Variants in PLB1 observed in about 807,000 individuals in gnomAD.
PLB1 encodes phospholipase B1.
Under a neutral mutation model 227.4 loss-of-function variants are expected in PLB1, and 242 were observed. That is an observed-to-expected ratio of 1.06 (90% CI 0.96 to 1.18). The LOEUF (loss-of-function observed/expected upper bound fraction) is 1.18. Ranked by LOEUF, PLB1 falls within the 50% of genes most tolerant of loss-of-function variation. PLB1 has a pLI of 0.00. For synonymous variants in PLB1, 757 were observed against 682.2 expected (o/e 1.11, Z -1.71); for missense variants, 1,858 against 1,816.3 (o/e 1.02, Z -0.42).
At chr2:28,542,618 C>G (rs542814873) in intron 13 of PLB1, among the ~76,000 whole-genome samples, 6 of 152,138 alleles carry the variant, frequency 3.9e-5, no homozygotes, top group Non-Finnish European at 7.4e-5. Context: ...TGTCCCTCCC[C>G]CTGCACGCTC....
intron 57 of PLB1, among the ~76,000 whole-genome samples, chr2:28,641,436 C>A (rs561321728): frequency 6.6e-6 from 1 of 152,140 alleles, no homozygotes; most frequent in Non-Finnish European, 1.5e-5. Flanking sequence ...AGTGAAACCC[C>A]GTCTCTAGTA....
chr2:28,589,495 G>T lies in PLB1; in HGVS notation c.1861G>T (p.Glu621Ter). 6.2e-7 allele frequency: 1 copy of T among 1,614,138 alleles called. No homozygotes were observed. The highest frequency in any genetic ancestry group is 8.5e-7 in the Non-Finnish European group (1 of 1,180,030). The change falls in exon 27 of 58, where the codon GAA becomes TAA. Residue 621 changes from glutamate to a stop codon, truncating the protein, a stop_gained. Coordinates refer to ENST00000327757, the MANE Select transcript of PLB1 (RefSeq NM_153021.5). LOFTEE classifies it high-confidence loss of function. ...TGAGAGTGGGCGATATGACACAAGG[G>T]AAGATTTTACTGTGGTTGTGCAGCC... is the stretch of plus-strand genomic sequence containing the variant. ...LIESGRYDTR[E>*]DFTVVVQPFF...
At chr2:28,574,381 A>ATTTTT (rs1678557771) in intron 21 of PLB1, among the ~76,000 whole-genome samples, 1 of 21,684 alleles carries the variant, frequency 4.6e-5, no homozygotes, top group East Asian at 5.4e-4. Flanking sequence ...CCATTATATC[A>ATTTTT]TTCTTTTTTT....
chr2:28,554,850 T>G (rs1160360851), intron 17 of PLB1, among the ~76,000 whole-genome samples: 2 of 152,068 alleles, frequency 1.3e-5, no homozygotes, highest in Non-Finnish European at 2.9e-5. Context: ...TGAAGATTAG[T>G]GTGTTTATCA....
intron 21 of PLB1, among the ~76,000 whole-genome samples, chr2:28,574,585 CAG>C (rs1355892604): frequency 1.4e-5 from 2 of 142,578 alleles, no homozygotes; most frequent in Admixed American, 7.1e-5. Context: ...TTGGTAGAGA[CAG>C]GGTTTCACCA....
At chr2:28,566,247 G>A (rs1469338881) in intron 19 of PLB1, among the ~76,000 whole-genome samples, 1 of 139,518 alleles carries the variant, frequency 7.2e-6, no homozygotes, top group Non-Finnish European at 1.5e-5. Context: ...CACAGAATGG[G>A]GTGGGGGGGT....
rs761209900 is a variant in PLB1 at position 28,625,044 on chromosome 2, AC to A, written c.3528-7del. ...AGCCGGCACTAACGCCCCTCTCTCT[AC>A]CCCCCACCTAGGGACATGCCAGCCC... is the stretch of plus-strand genomic sequence containing the variant. On this transcript the variant is annotated splice_polypyrimidine_tract_variant and intron_variant, in intron 49 of 57. Transcript: ENST00000327757. 3.7e-6 allele frequency: 6 copies of A among 1,611,738 alleles called. No homozygotes were observed. Among genetic ancestry groups the A allele is most frequent in the East Asian group, 4.5e-5 (2 of 44,704 alleles).
chr2:28,576,304 A>G (rs896748383), intron 21 of PLB1, among the ~76,000 whole-genome samples: 1 of 152,206 alleles, frequency 6.6e-6, no homozygotes, highest in African/African-American at 2.4e-5. Context: ...TCCAGGTCTG[A>G]CAATAGCTGT....
Position 28,516,826 on chromosome 2 carries a change from C to A in PLB1, c.74C>A (p.Thr25Asn). 1.9e-6 allele frequency: 3 copies of A among 1,613,844 alleles called. No homozygotes were observed. Among genetic ancestry groups the A allele is most frequent in the Non-Finnish European group, 2.5e-6 (3 of 1,179,754 alleles). ...LLGQGTPQIHTSPRKSTLEGQ... is the reference protein window; with the variant it reads ...LLGQGTPQIHNSPRKSTLEGQ... ...CTTTCAGGGACCCCTCAGATCCATA[C>A]CTCTCCTAGAAAGAGTACATTGGAA... Residue 25 changes from threonine (T) to asparagine (N), a missense_variant, in exon 2 of 58, where the codon ACC becomes AAC. Coordinates refer to ENST00000327757, the MANE Select transcript of PLB1 (RefSeq NM_153021.5).
chr2:28,605,536 C>G (rs61133196), intron 41 of PLB1, among the ~76,000 whole-genome samples: 1 of 151,980 alleles, frequency 6.6e-6, no homozygotes, highest in African/African-American at 2.4e-5. Flanking sequence ...TCTGCGGGAC[C>G]AGGATCCCAC....
Position 28,582,097 on chromosome 2 carries a change from C to G in PLB1, c.1596C>G (p.Asp532Glu). ...LVHYSPQNFT[D>E]NIGKALDILH... ...ACTATTCTCCCCAGAACTTCACAGA[C>G]AACATTGGAAAGGCCCTGGACATCC... The change falls in exon 24 of 58, where the codon GAC (aspartate) becomes GAG (glutamate). Residue 532 changes from aspartate (D) to glutamate (E), a missense_variant. Physicochemically the swap from Asp to Glu is conservative, Grantham distance 45 (BLOSUM62 2). Coordinates refer to ENST00000327757, the MANE Select transcript of PLB1 (RefSeq NM_153021.5). The G allele has an allele frequency of 1.9e-6, 3 of 1,614,110 alleles. No individual in the cohort carries two copies. The highest frequency in any genetic ancestry group is 1.6e-4 in the Middle Eastern group (1 of 6,062).
chr2:28,516,921 A>G, intron 2 of PLB1, 52 bp downstream of exon 2: 1 of 1,574,410 alleles, frequency 6.4e-7, no homozygotes, highest in Non-Finnish European at 8.7e-7. Context: ...GAGAGGGAGG[A>G]TTTTCCTTGT....
intron 33 of PLB1, chr2:28,595,151 TTC>T (rs1682696075): frequency 6.6e-6 from 1 of 152,208 alleles, no homozygotes; most frequent in Non-Finnish European, 1.5e-5. Flanking sequence ...TACTAAAAGT[TTC>T]TTTCTGCAGC....
chr2:28,562,473 C>T (rs532536085), intron 17 of PLB1, among the ~76,000 whole-genome samples: 5 of 127,990 alleles, frequency 3.9e-5, no homozygotes, highest in Admixed American at 9.5e-5. Context: ...ACCTGGGAGG[C>T]GGAGGTTGTA....
intron 44 of PLB1, 116 bp from the exon 45 acceptor site, chr2:28,617,611 A>G (rs1686373264): frequency 2.1e-6 from 2 of 958,100 alleles, no homozygotes; most frequent in Non-Finnish European, 3.4e-6. Context: ...ATGATCCTGT[A>G]TGGTGACTCA....
chr2:28,590,999 C>T (rs1027324042), intron 29 of PLB1, 134 bp from the exon 30 acceptor site: 2 of 1,084,726 alleles, frequency 1.8e-6, no homozygotes, highest in South Asian at 1.3e-5. Context: ...GGGAGTCAGC[C>T]TGGTAGAGGC....
At chr2:28,549,971 T>G in intron 15 of PLB1, 39 bp from the exon 16 acceptor site, 1 of 1,559,880 alleles carries the variant, frequency 6.4e-7, no homozygotes. Flanking sequence ...GATACAGACT[T>G]CTAGGGTCAC....
chr2:28,516,673 CT>C, intron 1 of PLB1, 134 bp from the exon 2 acceptor site: 1 of 728,212 alleles, frequency 1.4e-6, no homozygotes, highest in Non-Finnish European at 2.3e-6. Flanking sequence ...CAAATAGAAT[CT>C]GGGCTTCCCT....
Position 28,518,531 on chromosome 2 carries a change from A to G in PLB1, c.183A>G (p.Ser61=). 6.2e-7 allele frequency: 1 copy of G among 1,609,828 alleles called. No individual in the cohort carries two copies. The highest frequency in any genetic ancestry group is 1.3e-5 in the African/African-American group (1 of 74,958). Residue 61 remains serine (S), a splice_region_variant and synonymous_variant, in exon 3 of 58, where the codon TCA becomes TCG. Coordinates refer to ENST00000327757, the MANE Select transcript of PLB1 (RefSeq NM_153021.5). ...NKLGVNMPSK[S]VHSLKPSDIK... ...TAGGAGTGAATATGCCTTCTAAATCAGGTATGTAACCCTTGGCCATGAGCA... is the reference window on the plus strand; with the variant it reads ...TAGGAGTGAATATGCCTTCTAAATCGGGTATGTAACCCTTGGCCATGAGCA...
Sources: gnomAD v4.1 joint callset for allele counts (sites outside exome capture counted in the v4.1 genomes callset) on GRCh38, gnomAD v4.1.1 for gene constraint, MANE v1.5 for transcripts, NCBI Gene and HGNC (gene_info 2026-07-23, HGNC 2026-07-21) for gene names.